GPC6: variants seen among roughly 807,000 people sequenced by gnomAD.
The protein encoded by GPC6 is glypican 6, also known as glypican-6.
Under a neutral mutation model 55.2 loss-of-function variants are expected in GPC6, and 14 were observed. That is an observed-to-expected ratio of 0.25 (90% CI 0.17 to 0.40). The LOEUF (loss-of-function observed/expected upper bound fraction) is 0.40, where lower values mean the gene tolerates loss of function less well. GPC6 is among the 10% of genes least tolerant of loss of function. The pLI is 1.00. For synonymous variants in GPC6, 278 were observed against 259.6 expected (o/e 1.07, Z -0.68); for missense variants, 641 against 708.5 (o/e 0.90, Z 1.08).
intron 3 of GPC6, among the ~76,000 whole-genome samples, chr13:93,885,929 G>A (rs1875297750): frequency 6.6e-6 from 1 of 151,988 alleles, no homozygotes; most frequent in South Asian, 2.1e-4. Context: ...GCAGGTGGTT[G>A]GTATATTCAG....
At chr13:93,996,318 C>G (rs978918294) in intron 3 of GPC6, among the ~76,000 whole-genome samples, 1 of 152,190 alleles carries the variant, frequency 6.6e-6, no homozygotes. Flanking sequence ...AGCTTCTGAT[C>G]GTTTCAGCTA....
chr13:94,316,284 G>A (rs1354294025), intron 6 of GPC6, among the ~76,000 whole-genome samples: 2 of 152,106 alleles, frequency 1.3e-5, no homozygotes, highest in Admixed American at 6.5e-5. Context: ...TTTCAGCATC[G>A]GATGCCAACG....
chr13:93,937,849 G>A (rs1186835995), intron 3 of GPC6, among the ~76,000 whole-genome samples: 9 of 152,156 alleles, frequency 5.9e-5, no homozygotes, highest in African/African-American at 2.2e-4. Context: ...AAAGTGCTGG[G>A]ATTACAGGCA....
At chr13:93,374,055 G>A (rs1874785603) in intron 1 of GPC6, among the ~76,000 whole-genome samples, 1 of 152,124 alleles carries the variant, frequency 6.6e-6, no homozygotes, top group Non-Finnish European at 1.5e-5. Flanking sequence ...TGGATCATCA[G>A]AATCACCTAG....
At chr13:93,931,632 C>T (rs767673994) in intron 3 of GPC6, among the ~76,000 whole-genome samples, 3 of 151,822 alleles carry the variant, frequency 2.0e-5, no homozygotes, top group Non-Finnish European at 4.4e-5. Context: ...GACGTGGTGG[C>T]GGGCACCTGT....
At chr13:93,643,061 A>G (rs1880024566) in intron 2 of GPC6, among the ~76,000 whole-genome samples, 3 of 152,148 alleles carry the variant, frequency 2.0e-5, no homozygotes, top group Admixed American at 2.0e-4. Context: ...GAACTATTTT[A>G]ATCACTAAAA....
chr13:94,266,270 T>G (rs552737845), intron 4 of GPC6, among the ~76,000 whole-genome samples: 19 of 151,886 alleles, frequency 1.3e-4, no homozygotes, highest in Middle Eastern at 3.4e-3. Flanking sequence ...CCGGGTTCAC[T>G]CGATTCTCCT....
At chr13:94,068,309 C>G (rs752081866) in intron 4 of GPC6, among the ~76,000 whole-genome samples, 34 of 152,086 alleles carry the variant, frequency 2.2e-4, no homozygotes, top group Non-Finnish European at 4.7e-4. Flanking sequence ...CACAAGAACA[C>G]CATGGGAAAA....
chr13:94,282,854 G>C (rs530167788), intron 4 of GPC6, among the ~76,000 whole-genome samples: 1 of 152,330 alleles, frequency 6.6e-6, no homozygotes, highest in Non-Finnish European at 1.5e-5. Flanking sequence ...ACCATATGCT[G>C]TTAGTCATAA....
intron 1 of GPC6, among the ~76,000 whole-genome samples, chr13:93,306,912 T>C (rs557612140): frequency 6.6e-6 from 1 of 152,284 alleles, no homozygotes; most frequent in East Asian, 1.9e-4. Flanking sequence ...TCGGTTCCAA[T>C]AGGGTAGGGA....
At chr13:93,577,710 C>T (rs1360674186) in intron 2 of GPC6, among the ~76,000 whole-genome samples, 1 of 151,982 alleles carries the variant, frequency 6.6e-6, no homozygotes, top group Non-Finnish European at 1.5e-5. Flanking sequence ...ATTTCTTTCT[C>T]TTGCCTAATT....
At chr13:94,142,891 C>T (rs917922218) in intron 4 of GPC6, among the ~76,000 whole-genome samples, 4 of 150,964 alleles carry the variant, frequency 2.6e-5, no homozygotes, top group Admixed American at 2.6e-4. Context: ...TGCAGTGGCA[C>T]GATCGCGGCT....
At chr13:93,246,751 C>T (rs1394018237) in intron 1 of GPC6, among the ~76,000 whole-genome samples, 33 of 134,714 alleles carry the variant, frequency 2.4e-4, no homozygotes, top group Non-Finnish European at 1.1e-4. Flanking sequence ...GAGATTGTGC[C>T]ACTGCATTCA....
chr13:94,172,770 C>CA (rs1227680307), intron 4 of GPC6, among the ~76,000 whole-genome samples: 2 of 152,140 alleles, frequency 1.3e-5, no homozygotes, highest in African/African-American at 4.8e-5. Flanking sequence ...AAGTTACGTG[C>CA]ATTTCTAAGC....
chr13:93,466,214 TA>T (rs4001863), intron 1 of GPC6, among the ~76,000 whole-genome samples: 2 of 150,610 alleles, frequency 1.3e-5, no homozygotes, highest in Admixed American at 6.6e-5. Flanking sequence ...TTTCAAATTG[TA>T]AAAAAAAACA....
chr13:93,343,424 C>G (rs192363271), intron 1 of GPC6, among the ~76,000 whole-genome samples: 4 of 152,252 alleles, frequency 2.6e-5, no homozygotes, highest in Admixed American at 1.3e-4. Context: ...TATTTCATAA[C>G]TGGTTTATGG....
At chr13:93,724,453 G>C (rs1020502799) in intron 2 of GPC6, among the ~76,000 whole-genome samples, 5 of 151,974 alleles carry the variant, frequency 3.3e-5, no homozygotes, top group African/African-American at 4.8e-5. Flanking sequence ...TTTCTCGTGA[G>C]ATTCTGTTTC....
rs1854730 is a variant in GPC6, at chr13:93,792,502, T to A, written c.320-37652T>A. ...ATTTTTGTATTTTTCGTAGAGATGG[T>A]TTTTCACCACTTTGGCCAGGCTGGT... On this transcript the variant is annotated intron_variant, in intron 2 of 8. Transcript: ENST00000377047. 7.9e-5 allele frequency among the ~76,000 whole-genome samples: 12 copies of A among 151,940 alleles called. No individual in the cohort carries two copies. In the South Asian group the frequency reaches 2.5e-3, roughly 32 times the overall value.
chr13:93,799,393 G>A (rs1028332977), intron 2 of GPC6, among the ~76,000 whole-genome samples: 3 of 151,976 alleles, frequency 2.0e-5, no homozygotes, highest in African/African-American at 7.3e-5. Flanking sequence ...AGTTATAAAA[G>A]GTTACATAAC....
Sources: allele counts gnomAD v4.1 joint callset (sites outside exome capture counted in the v4.1 genomes callset), GRCh38; gene constraint gnomAD v4.1.1; transcripts MANE v1.5; gene names NCBI Gene and HGNC (gene_info 2026-07-23, HGNC 2026-07-21).